Variants in REDIC1 observed in about 807,000 individuals in gnomAD.
The protein encoded by REDIC1 is regulator of DNA class I crossover intermediates 1, also known as HEI10 Interacting Protein 1.
At chr12:39,704,076 A>G in the REDIC1 span, among the ~76,000 whole-genome samples, 1 of 152,232 alleles carries the variant, frequency 6.6e-6, no homozygotes, top group Admixed American at 6.5e-5. Flanking sequence ...GACAAATGCG[A>G]TCTAATTAAA....
At chr12:39,711,627 GTA>G in the REDIC1 span, among the ~76,000 whole-genome samples, 1 of 47,906 alleles carries the variant, frequency 2.1e-5, no homozygotes, top group Non-Finnish European at 6.0e-5. Flanking sequence ...GTGTATACAC[GTA>G]TGTGTATATG....
At chr12:39,823,615 A>G in the REDIC1 span, among the ~76,000 whole-genome samples, 9 of 144,876 alleles carry the variant, frequency 6.2e-5, no homozygotes, top group Non-Finnish European at 1.3e-4. Context: ...CAGGATGATG[A>G]TGATATTATT....
chr12:39,646,277 T>C, the REDIC1 span: 2 of 583,466 alleles, frequency 3.4e-6, no homozygotes, highest in Non-Finnish European at 5.2e-6. Flanking sequence ...ACAGTACTTT[T>C]ACAATTTTTT....
At chr12:39,847,447 T>A in the REDIC1 span, among the ~76,000 whole-genome samples, 5 of 152,158 alleles carry the variant, frequency 3.3e-5, no homozygotes, top group African/African-American at 1.2e-4. Flanking sequence ...ATGAGAAGTA[T>A]TGCATGGGAT....
chr12:39,816,417 C>G, the REDIC1 span, among the ~76,000 whole-genome samples: 5 of 122,512 alleles, frequency 4.1e-5, no homozygotes, highest in Admixed American at 2.0e-4. Flanking sequence ...ACATCACACC[C>G]CGGGGCCTGT....
chr12:39,791,376 C>T, the REDIC1 span, among the ~76,000 whole-genome samples: 2 of 59,296 alleles, frequency 3.4e-5, no homozygotes, highest in Non-Finnish European at 6.7e-5. Flanking sequence ...CTGGCCAGGG[C>T]AATCAGGCAG....
the REDIC1 span, among the ~76,000 whole-genome samples, chr12:39,711,789 GTGTGTACACATGCA>G: frequency 1.6e-5 from 2 of 128,626 alleles, no homozygotes; most frequent in South Asian, 4.9e-4. Context: ...ATGTGTATGT[GTGTGTACACATGCA>G]TGTGTATGTG....
the REDIC1 span, among the ~76,000 whole-genome samples, chr12:39,669,965 T>TA: frequency 6.6e-6 from 1 of 152,158 alleles, no homozygotes; most frequent in Non-Finnish European, 1.5e-5. Context: ...TTTCTTTGAC[T>TA]AGGAGAGGGA....
At chr12:39,755,586 G>GA in the REDIC1 span, 1 of 151,978 alleles carries the variant, frequency 6.6e-6, no homozygotes, top group Non-Finnish European at 1.5e-5. Flanking sequence ...AAATGAGATG[G>GA]AATAATGTTG....
chr12:39,673,328 G>A, the REDIC1 span, among the ~76,000 whole-genome samples: 3 of 152,170 alleles, frequency 2.0e-5, no homozygotes, highest in African/African-American at 7.2e-5. Flanking sequence ...AGTTAGTAGA[G>A]TCGGTCTGGC....
chr12:39,755,286 T>C, the REDIC1 span: 1 of 152,082 alleles, frequency 6.6e-6, no homozygotes, highest in Non-Finnish European at 1.5e-5. Flanking sequence ...TGGGAATAAA[T>C]ACTTATATTG....
the REDIC1 span, among the ~76,000 whole-genome samples, chr12:39,695,701 A>G: frequency 6.6e-6 from 1 of 152,290 alleles, no homozygotes; most frequent in Non-Finnish European, 1.5e-5. Flanking sequence ...GGAAGGACAC[A>G]GGCCTGGCTA....
the REDIC1 span, among the ~76,000 whole-genome samples, chr12:39,800,455 CAAAA>C: frequency 7.1e-6 from 1 of 141,474 alleles, no homozygotes; most frequent in Non-Finnish European, 1.5e-5. Flanking sequence ...AGACACTTCT[CAAAA>C]GAAGACATTT....
the REDIC1 span, among the ~76,000 whole-genome samples, chr12:39,684,695 T>C: frequency 6.6e-6 from 1 of 152,202 alleles, no homozygotes; most frequent in Non-Finnish European, 1.5e-5. Context: ...AATACCAAGA[T>C]TGACCCGCAC....
the REDIC1 span, among the ~76,000 whole-genome samples, chr12:39,894,747 C>T: frequency 4.6e-5 from 7 of 152,052 alleles, no homozygotes; most frequent in South Asian, 2.1e-4. Flanking sequence ...TGGTAAATAC[C>T]GGCTTTGGCT....
the REDIC1 span, among the ~76,000 whole-genome samples, chr12:39,712,906 T>C: frequency 8.2e-5 from 12 of 146,318 alleles, no homozygotes; most frequent in South Asian, 1.1e-3. Flanking sequence ...TACGTGTATA[T>C]ACGTATATAC....
At chr12:39,720,977 A>T in the REDIC1 span, 3 of 1,613,662 alleles carry the variant, frequency 1.9e-6, no homozygotes, top group East Asian at 6.7e-5. Context: ...GTGAAAAATA[A>T]TACAGATCAG....
the REDIC1 span, among the ~76,000 whole-genome samples, chr12:39,737,859 C>T: frequency 1.3e-5 from 2 of 152,170 alleles, no homozygotes; most frequent in African/African-American, 4.8e-5. Context: ...TTATGCCTTG[C>T]TTGTCCCTGA....
chr12:39,712,469 T>C, the REDIC1 span, among the ~76,000 whole-genome samples: 8,530 of 141,500 alleles, frequency 0.06, 966 homozygotes, highest in African/African-American at 0.21. Context: ...TATACGTATG[T>C]ATATATACAT....
Sources: allele counts gnomAD v4.1 joint callset (sites outside exome capture counted in the v4.1 genomes callset), GRCh38; gene constraint gnomAD v4.1.1; transcripts MANE v1.5; gene names NCBI Gene and HGNC (gene_info 2026-07-23, HGNC 2026-07-21).